Variants in NEK11 observed in about 807,000 individuals in gnomAD.
NEK11 encodes the protein serine/threonine-protein kinase Nek11.
NEK11 carries 72 observed loss-of-function variants against 80.7 expected under a neutral mutation model. The observed-to-expected ratio is 0.89, with a 90% CI of 0.74 to 1.08. The LOEUF (loss-of-function observed/expected upper bound fraction) is 1.08, where lower values mean the gene tolerates loss of function less well. Among genes scored for constraint, NEK11 ranks in the 50% least tolerant of loss-of-function variants. The probability of loss-of-function intolerance (pLI) is 0.00; values close to 1 mark genes in which losing one functional copy is unlikely to be tolerated. For synonymous variants in NEK11, 251 were observed against 260.7 expected (o/e 0.96, Z 0.36); for missense variants, 764 against 763.6 (o/e 1.00, Z -0.01).
At chr3:131,111,775 G>A (rs1180567687) in intron 5 of NEK11, among the ~76,000 whole-genome samples, 1 of 151,996 alleles carries the variant, frequency 6.6e-6, no homozygotes, top group Non-Finnish European at 1.5e-5. Context: ...GATAATAATA[G>A]GACTCTCCTT....
In NEK11 at chr3:131,249,141, A is replaced by G. The variant is rs183310013; in HGVS notation, c.1621+5645A>G. Among the ~76,000 whole-genome samples, 565 of 152,268 alleles carry G rather than the reference A, an allele frequency of 3.7e-3. 3 individuals carry two copies. The highest frequency in any genetic ancestry group is 7.9e-3 in the Admixed American group (120 of 15,282). On this transcript the variant is annotated intron_variant, in intron 16 of 17. Transcript: ENST00000383366. ...TAAACCTACAGAAAAAAAAGAGAACATAAGAGGAGATGGAAGCAGATGAGA... is the reference window on the plus strand; with the variant it reads ...TAAACCTACAGAAAAAAAAGAGAACGTAAGAGGAGATGGAAGCAGATGAGA...
chr3:131,207,326 G>A (rs1373116470), intron 14 of NEK11, among the ~76,000 whole-genome samples: 1 of 152,214 alleles, frequency 6.6e-6, no homozygotes, highest in South Asian at 2.1e-4. Context: ...GCCCATGCCT[G>A]TAATCCCAGC....
At chr3:131,273,100 C>G (rs1433205992) in intron 16 of NEK11, among the ~76,000 whole-genome samples, 1 of 152,192 alleles carries the variant, frequency 6.6e-6, no homozygotes, top group Non-Finnish European at 1.5e-5. Flanking sequence ...TTCCTAGTCA[C>G]TTAGTCAAAC....
intron 17 of NEK11, among the ~76,000 whole-genome samples, chr3:131,293,167 C>T (rs908834614): frequency 1.3e-5 from 2 of 151,990 alleles, no homozygotes; most frequent in African/African-American, 2.4e-5. Context: ...TTGTAACTGA[C>T]ATTAGTTGGA....
intron 17 of NEK11, among the ~76,000 whole-genome samples, chr3:131,285,939 C>G (rs115780964): frequency 0.022 from 3,274 of 152,276 alleles, 97 homozygotes; most frequent in African/African-American, 0.073. Flanking sequence ...GCTACTTTTA[C>G]TCTGTGGTCT....
chr3:131,085,770 A>G (rs747096273), intron 4 of NEK11, among the ~76,000 whole-genome samples: 2 of 152,184 alleles, frequency 1.3e-5, no homozygotes, highest in African/African-American at 2.4e-5. Context: ...TTATATAATC[A>G]TAGTATAATT....
intron 14 of NEK11, among the ~76,000 whole-genome samples, chr3:131,208,804 A>G (rs968387403): frequency 2.6e-5 from 4 of 152,164 alleles, no homozygotes; most frequent in African/African-American, 9.6e-5. Flanking sequence ...TGATTTTTGC[A>G]CATTGATTTT....
At chr3:131,266,446 C>T (rs981890176) in intron 16 of NEK11, among the ~76,000 whole-genome samples, 7 of 152,006 alleles carry the variant, frequency 4.6e-5, no homozygotes, top group East Asian at 3.9e-4. Flanking sequence ...TATTTATTTC[C>T]GCCTATTTCG....
At chr3:131,264,035 A>G (rs1485560823) in intron 16 of NEK11, among the ~76,000 whole-genome samples, 3 of 151,940 alleles carry the variant, frequency 2.0e-5, no homozygotes, top group African/African-American at 7.2e-5. Context: ...CTGTTCATAT[A>G]CTTTGCCCAC....
At chr3:131,111,482 A>T (rs1316043913) in intron 5 of NEK11, among the ~76,000 whole-genome samples, 3 of 152,134 alleles carry the variant, frequency 2.0e-5, no homozygotes, top group African/African-American at 7.2e-5. Flanking sequence ...ATAGTGATAA[A>T]TTAAAAATAA....
intron 15 of NEK11, among the ~76,000 whole-genome samples, chr3:131,241,210 AG>A (rs1351496609): frequency 6.6e-6 from 1 of 152,134 alleles, no homozygotes; most frequent in Non-Finnish European, 1.5e-5. Context: ...GAGAAAGAGG[AG>A]GGTTTCTAAA....
rs2097432183 is a variant in NEK11 at position 131,350,363 on chromosome 3, ATGATT to A, written c.*589_*593del. 6.6e-6 allele frequency: 1 copy of A among 152,268 alleles called. No homozygotes were observed. Among genetic ancestry groups the A allele is most frequent in the Non-Finnish European group, 1.5e-5 (1 of 68,112 alleles). 9.4% of individuals were successfully genotyped at this position (152,268 alleles called of 1,614,324 possible). On this transcript the variant is annotated 3_prime_UTR_variant, in exon 18 of 18. Coordinates refer to ENST00000383366, the MANE Select transcript of NEK11 (RefSeq NM_024800.5). ...AAAATCCAAAAAGTGATTCTCTTCTATGATTTATTTCAAACTCATCCATAGATAAT... is the reference window on the plus strand; with the variant it reads ...AAAATCCAAAAAGTGATTCTCTTCTATATTTCAAACTCATCCATAGATAAT...
intron 16 of NEK11, among the ~76,000 whole-genome samples, chr3:131,268,906 G>A (rs528977940): frequency 1.3e-5 from 2 of 152,314 alleles, no homozygotes; most frequent in African/African-American, 4.8e-5. Context: ...CAGGGAGATT[G>A]GGGTTTTATC....
At chr3:131,226,994 A>G (rs2095219370) in intron 14 of NEK11, among the ~76,000 whole-genome samples, 1 of 151,676 alleles carries the variant, frequency 6.6e-6, no homozygotes, top group African/African-American at 2.4e-5. Context: ...TGGCTTCTCC[A>G]TAACAGTATT....
At chr3:131,213,437 G>A (rs541506262) in intron 14 of NEK11, among the ~76,000 whole-genome samples, 4 of 152,282 alleles carry the variant, frequency 2.6e-5, no homozygotes, top group African/African-American at 4.8e-5. Context: ...GGCTTACAAG[G>A]TGTTCTGTCT....
chr3:131,263,388 A>G (rs934403668), intron 16 of NEK11, among the ~76,000 whole-genome samples: 4 of 152,074 alleles, frequency 2.6e-5, no homozygotes, highest in Non-Finnish European at 4.4e-5. Flanking sequence ...GATGTGTGGT[A>G]TTATTTCTGA....
intron 5 of NEK11, 101 bp downstream of exon 5, chr3:131,110,022 A>G: frequency 3.2e-6 from 4 of 1,257,520 alleles, no homozygotes; most frequent in South Asian, 1.4e-5. Flanking sequence ...AAACAAGTTC[A>G]AAAGGTATAT....
At chr3:131,074,640 A>C (rs1018862369) in intron 3 of NEK11, among the ~76,000 whole-genome samples, 1 of 152,222 alleles carries the variant, frequency 6.6e-6, no homozygotes, top group Non-Finnish European at 1.5e-5. Flanking sequence ...TGACTTATAC[A>C]GGGCAAATGG....
intron 17 of NEK11, among the ~76,000 whole-genome samples, chr3:131,305,889 T>C (rs569553535): frequency 6.6e-6 from 1 of 152,186 alleles, no homozygotes; most frequent in Admixed American, 6.5e-5. Context: ...CAATGCCTTC[T>C]CTCCAAAGAT....
Sources: allele counts gnomAD v4.1 joint callset (sites outside exome capture counted in the v4.1 genomes callset), GRCh38; gene constraint gnomAD v4.1.1; transcripts MANE v1.5; gene names NCBI Gene and HGNC (gene_info 2026-07-23, HGNC 2026-07-21).